Variants in CCDC13 observed in about 807,000 individuals in gnomAD.
CCDC13 encodes the protein coiled-coil domain-containing protein 13.
Under a neutral mutation model 87.3 loss-of-function variants are expected in CCDC13, and 70 were observed. The observed-to-expected ratio is 0.80, with a 90% CI of 0.66 to 0.98. CCDC13 has a LOEUF of 0.98. Among genes scored for constraint, CCDC13 ranks in the 50% least tolerant of loss-of-function variants. The probability of loss-of-function intolerance (pLI) is 0.00; values close to 1 mark genes in which losing one functional copy is unlikely to be tolerated. For missense variants in CCDC13, 842 were observed against 892.0 expected, an observed-to-expected ratio of 0.94 and a Z score of 0.71; for synonymous variants, 317 against 360.3, an observed-to-expected ratio of 0.88 and a Z score of 1.36.
At chr3:42,756,520 G>C (rs529991508) in intron 3 of CCDC13, among the ~76,000 whole-genome samples, 10 of 151,968 alleles carry the variant, frequency 6.6e-5, no homozygotes, top group Admixed American at 6.5e-4. Flanking sequence ...TCCTAGAACA[G>C]GTGACTCATC....
At chr3:42,742,431 G>C (rs1269509361) in intron 8 of CCDC13, among the ~76,000 whole-genome samples, 1 of 152,138 alleles carries the variant, frequency 6.6e-6, no homozygotes, top group Admixed American at 6.5e-5. Context: ...GTTTACATGG[G>C]CCAATGACTT....
chr3:42,707,569 C>T lies in CCDC13; in HGVS notation c.*1411G>A, dbSNP rs1055429379. Among the ~76,000 whole-genome samples, 1 of 152,210 alleles carries T rather than the reference C, an allele frequency of 6.6e-6. No individual in the cohort carries two copies. The highest frequency in any genetic ancestry group is 6.5e-5 in the Admixed American group (1 of 15,286). ...CCAAGGAAGGAGCTGACAAGATGCT[C>T]GCAGGAGCCCCAGTGGCTTTTCCTG... is the stretch of plus-strand genomic sequence containing the variant. On this transcript the variant is annotated 3_prime_UTR_variant, in exon 16 of 16. Transcript: ENST00000310232.
Position 42,707,055 on chromosome 3 carries a change from T to G in CCDC13, c.*1925A>C, listed in dbSNP as rs1368481484. 6.6e-6 allele frequency among the ~76,000 whole-genome samples: 1 copy of G among 152,146 alleles called. No individual in the cohort carries two copies. Among genetic ancestry groups the G allele is most frequent in the Non-Finnish European group, 1.5e-5 (1 of 68,020 alleles). ...TGGCTGGAGTGTGGGTCACACCATC[T>G]CTGCACTTCCCTGAGGTGATCTTGA... is the stretch of plus-strand genomic sequence containing the variant. On this transcript the variant is annotated 3_prime_UTR_variant, in exon 16 of 16. Transcript: ENST00000310232.
At chr3:42,723,271 C>T (rs1698610200) in intron 13 of CCDC13, among the ~76,000 whole-genome samples, 1 of 152,164 alleles carries the variant, frequency 6.6e-6, no homozygotes, top group African/African-American at 2.4e-5. Flanking sequence ...TGCTTCCACT[C>T]TGGCTTCCTC....
intron 5 of CCDC13, among the ~76,000 whole-genome samples, chr3:42,747,798 A>T (rs932275533): frequency 7.9e-5 from 12 of 152,202 alleles, no homozygotes; most frequent in African/African-American, 2.7e-4. Context: ...CATCACAGCT[A>T]ATCCATCTTC....
At chr3:42,728,815 G>A (rs1698751981) in intron 13 of CCDC13, among the ~76,000 whole-genome samples, 1 of 152,180 alleles carries the variant, frequency 6.6e-6, no homozygotes, top group Admixed American at 6.5e-5. Flanking sequence ...AGAGTAGCAG[G>A]AGGAACCCAA....
chr3:42,744,738 G>A (rs1356043416), intron 7 of CCDC13, among the ~76,000 whole-genome samples: 1 of 149,110 alleles, frequency 6.7e-6, no homozygotes, highest in Non-Finnish European at 1.5e-5. Flanking sequence ...CCGGGAGGCG[G>A]AGCTTGCAGT....
At position 42,730,552 on chromosome 3, in the gene CCDC13, G is replaced by T. The variant is rs998098639; in HGVS notation, c.1633C>A (p.Gln545Lys). Residue 545 changes from glutamine (Q) to lysine (K), a missense_variant, in exon 13 of 16, where the codon CAA (glutamine) becomes AAA (lysine). Coordinates refer to ENST00000310232, the MANE Select transcript of CCDC13 (RefSeq NM_144719.4). ...DSPEQKGWQA[Q>K]VSEIKALWQA... is the part of the protein sequence containing the mutation. The stretch of plus-strand genomic sequence containing the variant: ...CAGAGGGCCTTGATCTCTGACACTT[G>T]TGCCTGCCAGCCTTTTTGTTCTGGG... 1.2e-6 allele frequency: 2 copies of T among 1,614,154 alleles called. No homozygotes were observed. The highest frequency in any genetic ancestry group is 1.7e-6 in the Non-Finnish European group (2 of 1,180,010).
At chr3:42,741,600 G>C (rs1465766781) in intron 8 of CCDC13, among the ~76,000 whole-genome samples, 1 of 152,166 alleles carries the variant, frequency 6.6e-6, no homozygotes, top group Non-Finnish European at 1.5e-5. Flanking sequence ...AGCCGGGCAT[G>C]GTGGCAGGTG....
intron 13 of CCDC13, among the ~76,000 whole-genome samples, chr3:42,722,449 T>G (rs1698585696): frequency 1.3e-5 from 2 of 152,188 alleles, no homozygotes; most frequent in African/African-American, 4.8e-5. Context: ...GGTTAAGGCA[T>G]TCTAAGTCAC....
intron 13 of CCDC13, among the ~76,000 whole-genome samples, chr3:42,725,008 C>A (rs954507647): frequency 6.6e-6 from 1 of 151,920 alleles, no homozygotes; most frequent in African/African-American, 2.4e-5. Context: ...ATAAACAACT[C>A]TAAAACATGT....
At chr3:42,747,074 A>G in intron 6 of CCDC13, 183 bp downstream of exon 6, 1 of 723,580 alleles carries the variant, frequency 1.4e-6, no homozygotes, top group Non-Finnish European at 2.5e-6. Context: ...TCTGCCCACC[A>G]AATGGTTATG....
At chr3:42,771,848 TAAC>T (rs2125918796) in intron 1 of CCDC13, among the ~76,000 whole-genome samples, 1 of 152,332 alleles carries the variant, frequency 6.6e-6, no homozygotes, top group East Asian at 1.9e-4. Context: ...GTATCAATGA[TAAC>T]AAATGTACCA....
chr3:42,747,831 C>A (rs111477801), intron 5 of CCDC13, among the ~76,000 whole-genome samples: 1 of 152,288 alleles, frequency 6.6e-6, no homozygotes, highest in Admixed American at 6.5e-5. Flanking sequence ...GAGGAAACCA[C>A]GTTATTCCCC....
At chr3:42,731,590 A>T (rs2125882355) in intron 12 of CCDC13, among the ~76,000 whole-genome samples, 1 of 152,266 alleles carries the variant, frequency 6.6e-6, no homozygotes, top group East Asian at 1.9e-4. Context: ...GCTGATCAGC[A>T]GGGGCTCTGT....
rs535392660 is a variant in CCDC13, at chr3:42,709,982, T to C, written c.1874-184A>G. Among the ~76,000 whole-genome samples the C allele has an allele frequency of 6.6e-5, 10 of 152,334 alleles. No homozygotes were observed. The East Asian group carries it at 1.7e-3, about 26-fold the overall frequency. Reference sequence around the variant, plus strand: ...AGCCCTCCCTGATGCCTCCTCTGCATGCCTCTGCCCCTGGCTTTGGCCTCT... The same window carrying C: ...AGCCCTCCCTGATGCCTCCTCTGCACGCCTCTGCCCCTGGCTTTGGCCTCT... On this transcript the variant is annotated intron_variant, in intron 14 of 15. Coordinates refer to ENST00000310232, the MANE Select transcript of CCDC13 (RefSeq NM_144719.4).
chr3:42,719,931 T>C (rs1041316533), intron 13 of CCDC13, among the ~76,000 whole-genome samples: 1 of 152,248 alleles, frequency 6.6e-6, no homozygotes. Context: ...TTTTAGTTCC[T>C]GTGACTTAAG....
intron 8 of CCDC13, among the ~76,000 whole-genome samples, chr3:42,740,092 G>A (rs1699165777): frequency 6.6e-6 from 1 of 152,154 alleles, no homozygotes; most frequent in Non-Finnish European, 1.5e-5. Flanking sequence ...TAGCACATGA[G>A]AGGAAAGCCG....
chr3:42,709,806 G>T lies in CCDC13; in HGVS notation c.1874-8C>A, dbSNP rs1387077305. On this transcript the variant is annotated splice_region_variant and splice_polypyrimidine_tract_variant and intron_variant, in intron 14 of 15. Coordinates refer to ENST00000310232, the MANE Select transcript of CCDC13 (RefSeq NM_144719.4). ...TGTTAGAGGTGGGCAGACCTGTGGG[G>T]CAGCAGCAACCACTTTCTGTGAGGA... The T allele has an allele frequency of 1.2e-6, 2 of 1,610,270 alleles. No homozygotes were observed. The highest frequency in any genetic ancestry group is 2.7e-5 in the African/African-American group (2 of 74,836).
Sources: gnomAD v4.1 joint callset for allele counts (sites outside exome capture counted in the v4.1 genomes callset) on GRCh38, gnomAD v4.1.1 for gene constraint, MANE v1.5 for transcripts, NCBI Gene and HGNC (gene_info 2026-07-23, HGNC 2026-07-21) for gene names.